Variants in DZANK1 observed in about 807,000 individuals in gnomAD.
DZANK1 encodes the protein double zinc ribbon and ankyrin repeat domains 1.
DZANK1 carries 91 observed loss-of-function variants against 94.5 expected under a neutral mutation model. That is an observed-to-expected ratio of 0.96 (90% confidence interval 0.81 to 1.15). The LOEUF is 1.15. Ranked by LOEUF, DZANK1 falls within the 50% of genes most tolerant of loss-of-function variation. The pLI is 0.00. For synonymous variants in DZANK1, 312 were observed against 325.3 expected (o/e 0.96, Z 0.44); for missense variants, 903 against 916.4 (o/e 0.99, Z 0.19).
intron 12 of DZANK1, 84 bp downstream of exon 12, chr20:18,414,264 G>A (rs1220631235): frequency 2.4e-5 from 36 of 1,492,506 alleles, no homozygotes; most frequent in South Asian, 1.9e-4. Context: ...TCTCTTCCCC[G>A]GGTTGATTCA....
intron 10 of DZANK1, among the ~76,000 whole-genome samples, chr20:18,419,854 C>T (rs2057688739): frequency 7.8e-6 from 1 of 128,142 alleles, no homozygotes; most frequent in Non-Finnish European, 1.6e-5. Context: ...GAGTAAAGAA[C>T]ATCAGAAATA....
intron 13 of DZANK1, among the ~76,000 whole-genome samples, chr20:18,411,674 T>G (rs1157382460): frequency 6.6e-6 from 1 of 152,208 alleles, no homozygotes; most frequent in Non-Finnish European, 1.5e-5. Flanking sequence ...CAGACTAATA[T>G]CTCTTATAAA....
chr20:18,445,485 A>C (rs2058844407), intron 7 of DZANK1, among the ~76,000 whole-genome samples: 1 of 152,218 alleles, frequency 6.6e-6, no homozygotes, highest in African/African-American at 2.4e-5. Flanking sequence ...CCATCAACTA[A>C]CTAAACCTAA....
At chr20:18,433,813 T>C in intron 8 of DZANK1, 48 bp from the exon 9 acceptor site, 6 of 1,497,172 alleles carry the variant, frequency 4.0e-6, no homozygotes, top group Non-Finnish European at 5.6e-6. Context: ...AAACTGAAGG[T>C]ATGAATAGAT....
intron 2 of DZANK1, among the ~76,000 whole-genome samples, chr20:18,463,875 A>AG (rs924747214): frequency 1.3e-5 from 2 of 151,452 alleles, no homozygotes; most frequent in African/African-American, 4.9e-5. Flanking sequence ...AATTGGTTAA[A>AG]AAAAGGCAAA....
At chr20:18,416,582 T>G (rs11906439) in intron 10 of DZANK1, among the ~76,000 whole-genome samples, 46 of 152,302 alleles carry the variant, frequency 3.0e-4, no homozygotes, top group African/African-American at 1.0e-3. Context: ...GGAAAACATT[T>G]GCTAAGGGCA....
rs150218822 is a variant in DZANK1 at position 18,418,879 on chromosome 20, T to C, written c.955-3430A>G. On this transcript the variant is annotated intron_variant, in intron 10 of 20. Coordinates refer to ENST00000262547, the Ensembl canonical transcript of DZANK1. ...TAAAATATTTACTAGACGGACTGAA[T>C]AGCTAAAGGAGATGGTAAAGGAAAG... Among the ~76,000 whole-genome samples the C allele has an allele frequency of 4.4e-4, 67 of 152,202 alleles. 1 individual carries two copies. The East Asian group carries it at 0.011, about 25-fold the overall frequency.
chr20:18,386,023 G>A (rs1272828775), intron 19 of DZANK1, among the ~76,000 whole-genome samples: 5 of 151,990 alleles, frequency 3.3e-5, no homozygotes, highest in African/African-American at 1.2e-4. Flanking sequence ...CAGGAGTCAT[G>A]ACTGGAAGTA....
intron 13 of DZANK1, among the ~76,000 whole-genome samples, chr20:18,406,132 T>G (rs1365195126): frequency 6.6e-6 from 1 of 152,242 alleles, no homozygotes; most frequent in Non-Finnish European, 1.5e-5. Context: ...ACACAAAGAC[T>G]GAAATTCCTA....
intron 19 of DZANK1, among the ~76,000 whole-genome samples, chr20:18,385,795 G>T (rs952743537): frequency 7.2e-5 from 11 of 152,052 alleles, no homozygotes; most frequent in Non-Finnish European, 5.9e-5. Context: ...CAGTGAGTTG[G>T]GCTTACATGA....
In DZANK1 at chr20:18,456,587, C is replaced by CCTCCTAGGCAACCACTGATCTGTTTCCT. The variant is rs1303776767; in HGVS notation, c.264-1254_264-1227dup. Among the ~76,000 whole-genome samples, 85 of 152,074 alleles carry CCTCCTAGGCAACCACTGATCTGTTTCCT rather than the reference C, an allele frequency of 5.6e-4. 1 individual carries two copies. In the East Asian group the frequency reaches 0.016, roughly 28 times the overall value. On this transcript the variant is annotated intron_variant, in intron 3 of 20. Coordinates refer to ENST00000262547, the Ensembl canonical transcript of DZANK1. ...CCTGTGTGCAGTCACTCCTATCCAA[C>CCTCCTAGGCAACCACTGATCTGTTTCCT]CTCCTAGGCAACCACTGATCTGTTT...
intron 9 of DZANK1, among the ~76,000 whole-genome samples, chr20:18,432,295 A>T (rs1156644942): frequency 3.9e-5 from 6 of 152,226 alleles, no homozygotes; most frequent in Non-Finnish European, 7.3e-5. Context: ...ATGTATTAAT[A>T]AGAATAGATT....
intron 7 of DZANK1, among the ~76,000 whole-genome samples, chr20:18,445,265 G>A (rs1432911748): frequency 1.3e-5 from 2 of 151,944 alleles, no homozygotes. Flanking sequence ...ATGATAAAAG[G>A]GTCAACTTAG....
intron 10 of DZANK1, among the ~76,000 whole-genome samples, chr20:18,419,996 T>C (rs2057701073): frequency 6.6e-6 from 1 of 152,148 alleles, no homozygotes; most frequent in Non-Finnish European, 1.5e-5. Flanking sequence ...TCTAGCCAAT[T>C]GTACTCTGCA....
At chr20:18,424,479 A>AG (rs1327647701) in intron 10 of DZANK1, among the ~76,000 whole-genome samples, 10 of 151,628 alleles carry the variant, frequency 6.6e-5, no homozygotes, top group African/African-American at 1.9e-4. Flanking sequence ...CAAAAAAAAA[A>AG]AAAAAGAAAA....
At chr20:18,392,529 C>A (rs2056072281) in intron 17 of DZANK1, among the ~76,000 whole-genome samples, 1 of 152,204 alleles carries the variant, frequency 6.6e-6, no homozygotes, top group African/African-American at 2.4e-5. Flanking sequence ...CGGGCCCAGG[C>A]CTTGGGACTT....
intron 5 of DZANK1, among the ~76,000 whole-genome samples, chr20:18,453,078 C>T (rs1175654912): frequency 6.6e-6 from 1 of 152,216 alleles, no homozygotes; most frequent in Non-Finnish European, 1.5e-5. Context: ...TTAGCAGCCC[C>T]CTCTTTGCAT....
Position 18,460,309 on chromosome 20 carries a change from GA to G in DZANK1, c.110-4del. Reference sequence around the variant, plus strand: ...ATATATGTTGACATCTGGAGTGTCTGAAAAATCCAAAACAGGATAACTATAA... The same window carrying G: ...ATATATGTTGACATCTGGAGTGTCTGAAAATCCAAAACAGGATAACTATAA... On this transcript the variant is annotated splice_polypyrimidine_tract_variant and splice_region_variant and intron_variant, in intron 2 of 20. Transcript: ENST00000262547. The G allele has an allele frequency of 6.6e-7, 1 of 1,507,890 alleles. No individual in the cohort carries two copies. Among genetic ancestry groups the G allele is most frequent in the South Asian group, 1.3e-5 (1 of 76,618 alleles). The allele number at this position is 1,507,890 out of a possible 1,614,324, so 93.4% of individuals were successfully genotyped here. A position where few individuals can be genotyped will look rare whatever the true frequency, so the allele number is the denominator to read the frequency against.
At chr20:18,404,032 C>T (rs1279843945) in intron 13 of DZANK1, among the ~76,000 whole-genome samples, 3 of 151,930 alleles carry the variant, frequency 2.0e-5, no homozygotes, top group Admixed American at 1.3e-4. Context: ...ACTCCTGAGA[C>T]GGCCCACCTC....
Sources: gnomAD v4.1 joint callset for allele counts (sites outside exome capture counted in the v4.1 genomes callset) on GRCh38, gnomAD v4.1.1 for gene constraint, MANE v1.5 for transcripts, NCBI Gene and HGNC (gene_info 2026-07-23, HGNC 2026-07-21) for gene names.